Variants in PTGR1 observed in about 807,000 individuals in gnomAD.
PTGR1 encodes prostaglandin reductase 1.
In PTGR1, 23 loss-of-function variants were observed where a neutral mutation model predicts 37.7. That is an observed-to-expected ratio of 0.61 (90% CI 0.44 to 0.86). The LOEUF (loss-of-function observed/expected upper bound fraction) is 0.86, where lower values mean the gene tolerates loss of function less well. PTGR1 is among the 40% of genes least tolerant of loss of function. The pLI, the probability that PTGR1 is intolerant of heterozygous loss-of-function variation, is 0.00. For missense variants in PTGR1, 351 were observed against 394.3 expected (o/e 0.89, Z 0.93); for synonymous variants, 134 against 140.0 (o/e 0.96, Z 0.30).
rs1828377820 is a variant in PTGR1, at chr9:111,563,013, T to C, written c.*108A>G. The C allele has an allele frequency of 2.0e-6, 3 of 1,467,850 alleles. No homozygotes were observed. The South Asian group carries it at 4.3e-5, about 21-fold the overall frequency. The allele number at this position is 1,467,850 out of a possible 1,614,324, so 90.9% of individuals were successfully genotyped here. ...TTTATTAAGTAGCTCAAACTCATTA[T>C]GAGTACTATTTCTTAAGACATTTAA... is the stretch of plus-strand genomic sequence containing the variant. On this transcript the variant is annotated 3_prime_UTR_variant, in exon 10 of 10. Coordinates refer to ENST00000407693, the MANE Select transcript of PTGR1 (RefSeq NM_001146108.2).
intron 1 of PTGR1, 68 bp downstream of exon 1, chr9:111,599,535 G>T: frequency 6.5e-6 from 1 of 152,692 alleles, no homozygotes. Context: ...TAGAAACTTG[G>T]CAGGAAGAAA....
rs750940533 is a variant in PTGR1 at position 111,597,306 on chromosome 9, G to C, written c.106+11C>G. On this transcript the variant is annotated intron_variant, in intron 2 of 9. Transcript: ENST00000407693. ...CCCTTCCAACTCTGAAATATTTTTA[G>C]TATGACTTACCTCCATTTTTTAAGG... The C allele has an allele frequency of 3.2e-6, 5 of 1,576,840 alleles. No homozygotes were observed. The South Asian group carries it at 5.6e-5, about 18-fold the overall frequency.
intron 8 of PTGR1, 143 bp from the exon 9 acceptor site, chr9:111,570,352 C>A: frequency 7.4e-7 from 1 of 1,359,278 alleles, no homozygotes; most frequent in Non-Finnish European, 9.7e-7. Context: ...CCTTTCTGAT[C>A]CACGGGACTG....
intron 7 of PTGR1, 52 bp from the exon 8 acceptor site, chr9:111,574,894 A>C (rs754026551): frequency 2.2e-6 from 3 of 1,373,024 alleles, no homozygotes; most frequent in Non-Finnish European, 3.1e-6. Flanking sequence ...CTAGAGATTC[A>C]GGAGAATCAT....
downstream of PTGR1, among the ~76,000 whole-genome samples, chr9:111,560,968 TATATATAGAGAGAGAGAGAG>T (rs1259356012): frequency 2.5e-5 from 1 of 40,092 alleles, no homozygotes; most frequent in East Asian, 9.0e-4. Context: ...TATATATATA[TATATATAGAGAGAGAGAGAG>T]AGAGAGAGAG....
At chr9:111,550,259 C>T (rs1441622593) in intron 9 of PTGR1, among the ~76,000 whole-genome samples, 1 of 152,108 alleles carries the variant, frequency 6.6e-6, no homozygotes, top group Non-Finnish European at 1.5e-5. Flanking sequence ...GGTTTCATCC[C>T]TTTTTTCTCC....
intron 2 of PTGR1, among the ~76,000 whole-genome samples, chr9:111,595,055 A>T (rs1192491483): frequency 6.6e-6 from 1 of 151,690 alleles, no homozygotes; most frequent in Non-Finnish European, 1.5e-5. Context: ...GGGTTTCACC[A>T]TGTTGGCCAG....
chr9:111,599,421 G>A (rs1476170265), intron 1 of PTGR1, 182 bp downstream of exon 1: 1 of 152,402 alleles, frequency 6.6e-6, no homozygotes, highest in Admixed American at 6.5e-5. Flanking sequence ...GGGGGCGGGA[G>A]GCGTCGGGAC....
chr9:111,559,519 C>G (rs1564606997), downstream of PTGR1, among the ~76,000 whole-genome samples: 1 of 151,998 alleles, frequency 6.6e-6, no homozygotes. Context: ...TTTGCTTGGG[C>G]TCCAACTCCC....
intron 8 of PTGR1, among the ~76,000 whole-genome samples, chr9:111,572,695 T>C (rs1280822730): frequency 6.6e-5 from 9 of 136,676 alleles, no homozygotes; most frequent in African/African-American, 2.5e-4. Context: ...AGGTGGAGGC[T>C]GCAGTGAGCC....
chr9:111,583,428 A>G (rs1453589677), intron 6 of PTGR1, 44 bp downstream of exon 6: 2 of 1,484,058 alleles, frequency 1.3e-6, no homozygotes, highest in Non-Finnish European at 1.9e-6. Context: ...TTGCATTCCC[A>G]ATGGGTTTTG....
At chr9:111,563,733 C>G (rs140363385) in intron 9 of PTGR1, 3 of 152,798 alleles carry the variant, frequency 2.0e-5, no homozygotes, top group Admixed American at 1.3e-4. Context: ...GTCTCGATCT[C>G]CTGACCTCGT....
intron 9 of PTGR1, among the ~76,000 whole-genome samples, chr9:111,566,383 C>T (rs1828562754): frequency 6.6e-6 from 1 of 152,164 alleles, no homozygotes; most frequent in African/African-American, 2.4e-5. Context: ...GGTGACAGCC[C>T]AGCCCGGCAC....
chr9:111,575,742 T>G (rs190857032), intron 7 of PTGR1, among the ~76,000 whole-genome samples: 2 of 152,248 alleles, frequency 1.3e-5, no homozygotes, highest in African/African-American at 4.8e-5. Flanking sequence ...ACACAAAAAT[T>G]AACTTAAAAT....
At chr9:111,587,753 T>C (rs1829482973) in intron 4 of PTGR1, among the ~76,000 whole-genome samples, 2 of 152,158 alleles carry the variant, frequency 1.3e-5, no homozygotes, top group Admixed American at 1.3e-4. Context: ...CCCGGATGTA[T>C]TATACATATT....
At position 111,588,819 on chromosome 9, in the gene PTGR1, C is replaced by T. The variant is rs1188269847; in HGVS notation, c.210-2654G>A. Among the ~76,000 whole-genome samples, 6 of 152,232 alleles carry T rather than the reference C, an allele frequency of 3.9e-5. No individual in the cohort carries two copies. The South Asian group carries it at 1.2e-3, about 32-fold the overall frequency. The stretch of plus-strand genomic sequence containing the variant: ...GAGATTACAGGCGTGAGCCACTGTG[C>T]CCAGACTTTTTTGTATTTTTTTGTA... On this transcript the variant is annotated intron_variant, in intron 4 of 9. Coordinates refer to ENST00000407693, the MANE Select transcript of PTGR1 (RefSeq NM_001146108.2).
At chr9:111,557,847 T>C (rs1828168940), downstream of PTGR1, among the ~76,000 whole-genome samples, 1 of 152,182 alleles carries the variant, frequency 6.6e-6, no homozygotes, top group African/African-American at 2.4e-5. Flanking sequence ...TGGTGAAGTA[T>C]GTTAAAACTA....
intron 9 of PTGR1, among the ~76,000 whole-genome samples, chr9:111,555,879 A>C (rs181479949): frequency 3.3e-5 from 5 of 152,192 alleles, no homozygotes; most frequent in Admixed American, 3.3e-4. Context: ...CGCAAATCTC[A>C]TGTCCTTTCT....
downstream of PTGR1, among the ~76,000 whole-genome samples, chr9:111,558,059 A>G (rs901217431): frequency 2.0e-5 from 3 of 152,092 alleles, no homozygotes; most frequent in African/African-American, 7.2e-5. Flanking sequence ...AGGCAGGAAA[A>G]TTGCTTGAAC....
Sources: gnomAD v4.1 joint callset for allele counts (sites outside exome capture counted in the v4.1 genomes callset) on GRCh38, gnomAD v4.1.1 for gene constraint, MANE v1.5 for transcripts, NCBI Gene and HGNC (gene_info 2026-07-23, HGNC 2026-07-21) for gene names.